Variants in NRXN1 observed in about 807,000 individuals in gnomAD.
NRXN1 encodes neurexin-1.
Under a neutral mutation model 150.9 loss-of-function variants are expected in NRXN1, and 39 were observed. The ratio of observed to expected loss-of-function variants is 0.26; its 90% confidence interval spans 0.20 to 0.34. NRXN1 has a LOEUF of 0.34. Ranked by LOEUF, NRXN1 falls within the 10% of genes least tolerant of loss-of-function variation. The probability of loss-of-function intolerance (pLI) is 1.00; values close to 1 mark genes in which losing one functional copy is unlikely to be tolerated. For missense variants in NRXN1, 1,815 were observed against 1,949.9 expected (o/e 0.93, Z 1.30); for synonymous variants, 924 against 757.0 (o/e 1.22, Z -3.62).
intron 2 of NRXN1, among the ~76,000 whole-genome samples, chr2:51,027,093 T>C (rs1029119133): frequency 1.3e-5 from 2 of 152,158 alleles, no homozygotes; most frequent in Non-Finnish European, 2.9e-5. Flanking sequence ...TCTAGATGCT[T>C]GTTTGCATCT....
intron 17 of NRXN1, among the ~76,000 whole-genome samples, chr2:50,412,011 T>C (rs561505610): frequency 0.011 from 1,633 of 152,316 alleles, 10 homozygotes; most frequent in Middle Eastern, 0.017. Context: ...TCTATAACCT[T>C]ACCCCCAACC....
At chr2:50,762,741 T>C (rs1419225487) in intron 5 of NRXN1, among the ~76,000 whole-genome samples, 1 of 152,010 alleles carries the variant, frequency 6.6e-6, no homozygotes, top group Non-Finnish European at 1.5e-5. Context: ...AAAGATACTC[T>C]TGATGGGCAC....
Position 50,990,857 on chromosome 2 carries a change from T to C in NRXN1, c.772+36645A>G, listed in dbSNP as rs529475275. On this transcript the variant is annotated intron_variant, in intron 2 of 22. Coordinates refer to ENST00000401669, the MANE Select transcript of NRXN1 (RefSeq NM_001330078.2). ...TTTCCCAGGTGGAGACCTCGCCATT[T>C]CTCAAATCTTAGCCTTCCTCTCTGG... Among the ~76,000 whole-genome samples the C allele has an allele frequency of 8.5e-5, 13 of 152,080 alleles. No homozygotes were observed. The South Asian group carries it at 2.7e-3, about 32-fold the overall frequency.
At chr2:49,994,527 T>C (rs1206999691) in intron 21 of NRXN1, among the ~76,000 whole-genome samples, 1 of 152,150 alleles carries the variant, frequency 6.6e-6, no homozygotes, top group African/African-American at 2.4e-5. Flanking sequence ...GGTTAGAGTA[T>C]ATTTAAACTA....
chr2:50,757,156 T>A (rs1204721134), intron 5 of NRXN1, among the ~76,000 whole-genome samples: 1 of 151,852 alleles, frequency 6.6e-6, no homozygotes, highest in African/African-American at 2.4e-5. Context: ...CAAAGAAGCA[T>A]ATTTAGTATC....
At chr2:50,026,068 A>G (rs1558719844) in intron 21 of NRXN1, among the ~76,000 whole-genome samples, 1 of 152,182 alleles carries the variant, frequency 6.6e-6, no homozygotes, top group Non-Finnish European at 1.5e-5. Context: ...GACATGGCAT[A>G]CTGTGTGCAT....
At chr2:50,958,853 A>G in intron 2 of NRXN1, among the ~76,000 whole-genome samples, 1 of 152,224 alleles carries the variant, frequency 6.6e-6, no homozygotes, top group African/African-American at 2.4e-5. Flanking sequence ...AATTTTCTTT[A>G]TTAAGTTGAG....
chr2:50,074,169 A>T (rs2152673283), intron 19 of NRXN1, among the ~76,000 whole-genome samples: 1 of 152,304 alleles, frequency 6.6e-6, no homozygotes, highest in Non-Finnish European at 1.5e-5. Flanking sequence ...ACAGTATATT[A>T]TCAAGAGTAC....
intron 5 of NRXN1, among the ~76,000 whole-genome samples, chr2:50,786,515 T>C (rs1705135825): frequency 6.6e-6 from 1 of 152,094 alleles, no homozygotes; most frequent in South Asian, 2.1e-4. Flanking sequence ...AGACTAATGA[T>C]CCTTTCTTTA....
intron 5 of NRXN1, among the ~76,000 whole-genome samples, chr2:50,749,427 C>A (rs778352473): frequency 2.6e-5 from 4 of 152,050 alleles, no homozygotes; most frequent in African/African-American, 9.7e-5. Flanking sequence ...TGGCATCCCA[C>A]GCCCTTTCCT....
chr2:50,472,054 A>G lies in NRXN1; in HGVS notation c.3244+244T>C, dbSNP rs12713103. On this transcript the variant is annotated intron_variant, in intron 16 of 22. Coordinates refer to ENST00000401669, the MANE Select transcript of NRXN1 (RefSeq NM_001330078.2). ...AACAAAAACAAAAACAAAAGCAAAA[A>G]CAGGCAAAAAAACCAAGATCCATAG... is the stretch of plus-strand genomic sequence containing the variant. Among the ~76,000 whole-genome samples, 79,495 of 150,352 alleles carry G rather than the reference A, an allele frequency of 0.53. 21,292 individuals carry two copies. The highest frequency in any genetic ancestry group is 0.58 in the Middle Eastern group (171 of 294).
chr2:50,795,473 T>G (rs1706685957), intron 5 of NRXN1, among the ~76,000 whole-genome samples: 1 of 151,940 alleles, frequency 6.6e-6, no homozygotes, highest in Admixed American at 6.6e-5. Flanking sequence ...GAAGATTGCA[T>G]TTTCTTTCCT....
chr2:50,946,114 A>C (rs979084219), intron 2 of NRXN1, among the ~76,000 whole-genome samples: 2 of 152,010 alleles, frequency 1.3e-5, no homozygotes, highest in African/African-American at 2.4e-5. Context: ...TTAGGATCCC[A>C]TGGGGCTGCC....
In NRXN1 at chr2:50,407,833, T is replaced by C. The variant is rs180883093; in HGVS notation, c.3364+57609A>G. Among the ~76,000 whole-genome samples the C allele has an allele frequency of 9.2e-5, 14 of 152,236 alleles. No homozygotes were observed. The East Asian group carries it at 2.7e-3, about 29-fold the overall frequency. Reference sequence around the variant, plus strand: ...CGGTAAGAAATATATTCCATTTCTTTATAAATTACCCAGTTTCAAGTATTC... The same window carrying C: ...CGGTAAGAAATATATTCCATTTCTTCATAAATTACCCAGTTTCAAGTATTC... On this transcript the variant is annotated intron_variant, in intron 17 of 22. Coordinates refer to ENST00000401669, the MANE Select transcript of NRXN1 (RefSeq NM_001330078.2).
chr2:50,502,501 T>C lies in NRXN1; in HGVS notation c.2497+3994A>G, dbSNP rs140459187. 7.8e-3 allele frequency among the ~76,000 whole-genome samples: 1,176 copies of C among 151,672 alleles called. 12 individuals are homozygous for C. Among genetic ancestry groups the C allele is most frequent in the African/African-American group, 0.026 (1,084 of 41,336 alleles). On this transcript the variant is annotated intron_variant, in intron 13 of 22. Transcript: ENST00000401669. Reference sequence around the variant, plus strand: ...ACACACAAACACACACACACACGAGTCATGGTTAACCCCTGCTTCAAATCC... The same window carrying C: ...ACACACAAACACACACACACACGAGCCATGGTTAACCCCTGCTTCAAATCC...
At chr2:50,780,528 T>C (rs2105511963) in intron 5 of NRXN1, among the ~76,000 whole-genome samples, 1 of 152,290 alleles carries the variant, frequency 6.6e-6, no homozygotes, top group South Asian at 2.1e-4. Context: ...AATTAATCAT[T>C]ATTTCAGCTC....
intron 18 of NRXN1, among the ~76,000 whole-genome samples, chr2:50,188,523 G>C (rs908896193): frequency 6.6e-6 from 1 of 152,084 alleles, no homozygotes; most frequent in African/African-American, 2.4e-5. Context: ...ATTGACAAAT[G>C]GGATCTAATT....
At chr2:50,730,822 G>A (rs867773978) in intron 5 of NRXN1, among the ~76,000 whole-genome samples, 16 of 151,718 alleles carry the variant, frequency 1.1e-4, no homozygotes, top group East Asian at 1.9e-4. Flanking sequence ...ACAGGCGCCC[G>A]CCACCACACC....
chr2:49,948,394 A>C (rs1572994610), intron 21 of NRXN1, among the ~76,000 whole-genome samples: 1 of 152,214 alleles, frequency 6.6e-6, no homozygotes, highest in South Asian at 2.1e-4. Flanking sequence ...GTAGAAAAAA[A>C]TAACTACAAA....
Sources: gnomAD v4.1 joint callset for allele counts (sites outside exome capture counted in the v4.1 genomes callset) on GRCh38, gnomAD v4.1.1 for gene constraint, MANE v1.5 for transcripts, NCBI Gene and HGNC (gene_info 2026-07-23, HGNC 2026-07-21) for gene names.